The following MGAT5B variants were observed in gnomAD, a reference collection of about 807,000 sequenced individuals.
MGAT5B encodes alpha-1,6-mannosylglycoprotein 6-beta-N-acetylglucosaminyltransferase B.
A neutral mutation model predicts 95.1 loss-of-function variants in MGAT5B; 54 were observed. The observed-to-expected ratio is 0.57, with a 90% CI of 0.46 to 0.71. The LOEUF (loss-of-function observed/expected upper bound fraction) is 0.71, where lower values mean the gene tolerates loss of function less well. Among genes scored for constraint, MGAT5B ranks in the 30% least tolerant of loss-of-function variants. MGAT5B has a pLI of 0.00. For missense variants in MGAT5B, 935 were observed against 1,088.6 expected, an observed-to-expected ratio of 0.86 and a Z score of 1.99; for synonymous variants, 464 against 451.0, an observed-to-expected ratio of 1.03 and a Z score of -0.36.
intron 12 of MGAT5B, 60 bp from the exon 13 acceptor site, chr17:76,937,928 C>G (rs1442979874): frequency 1.3e-6 from 2 of 1,592,698 alleles, no homozygotes; most frequent in Non-Finnish European, 1.7e-6. Flanking sequence ...GGATCTCCTC[C>G]ATGGACTTTG....
chr17:76,944,906 C>T (rs1969148735), intron 15 of MGAT5B, among the ~76,000 whole-genome samples: 1 of 152,240 alleles, frequency 6.6e-6, no homozygotes, highest in South Asian at 2.1e-4. Flanking sequence ...TTGAGTCAAA[C>T]AGTTAGATTT....
rs1451434709 is a variant in MGAT5B, at chr17:76,914,693, C to A, written c.1025+8506C>A. On this transcript the variant is annotated intron_variant, in intron 8 of 17. Coordinates refer to ENST00000569840, the MANE Select transcript of MGAT5B (RefSeq NM_001199172.2). This position sits in a 1 kb window ranked among gnomAD's most constrained non-coding sequence, Gnocchi z 5.1. ...CTTGCCCTGTCCCCCAGCTGGAGCG[C>A]AGTGGCGCAGTCTCGGCTCACTGCA... Among the ~76,000 whole-genome samples, 1 of 151,776 alleles carries A rather than the reference C, an allele frequency of 6.6e-6. No homozygotes were observed. The highest frequency in any genetic ancestry group is 1.5e-5 in the Non-Finnish European group (1 of 68,004).
At position 76,912,568 on chromosome 17, in the gene MGAT5B, C is replaced by T. The variant is rs1968780058; in HGVS notation, c.1025+6381C>T. On this transcript the variant is annotated intron_variant, in intron 8 of 17. Coordinates refer to ENST00000569840, the MANE Select transcript of MGAT5B (RefSeq NM_001199172.2). This position sits in a 1 kb window ranked among gnomAD's most constrained non-coding sequence, Gnocchi z 5.0. ...ATTCGCAGATGTTCACGGCAGATGTCCTGGCCACTGATGGAGCAACAAGGC... is the reference window on the plus strand; with the variant it reads ...ATTCGCAGATGTTCACGGCAGATGTTCTGGCCACTGATGGAGCAACAAGGC... Among the ~76,000 whole-genome samples the T allele has an allele frequency of 6.6e-6, 1 of 151,968 alleles. No individual in the cohort carries two copies. Among genetic ancestry groups the T allele is most frequent in the Non-Finnish European group, 1.5e-5 (1 of 68,000 alleles).
chr17:76,944,361 C>T (rs978679015), intron 15 of MGAT5B: 2 of 152,166 alleles, frequency 1.3e-5, no homozygotes, highest in African/African-American at 4.8e-5. Context: ...GTCACGGAGC[C>T]GGGGAGCGGC....
At chr17:76,887,533 T>C (rs2588505) in intron 3 of MGAT5B, among the ~76,000 whole-genome samples, 319 of 41,780 alleles carry the variant, frequency 7.6e-3, no homozygotes, top group African/African-American at 0.06. Context: ...CTCCCTCCCT[T>C]CCTTCCTTCC....
intron 4 of MGAT5B, 64 bp from the exon 5 acceptor site, chr17:76,903,239 C>G: frequency 1.5e-6 from 2 of 1,349,828 alleles, no homozygotes; most frequent in Non-Finnish European, 2.1e-6. Flanking sequence ...CTCCCGCACG[C>G]AGGCCTCCCT....
intron 3 of MGAT5B, among the ~76,000 whole-genome samples, chr17:76,894,373 C>T (rs764777045): frequency 6.6e-6 from 1 of 152,132 alleles, no homozygotes; most frequent in South Asian, 2.1e-4. Context: ...TTAAGAGGGA[C>T]CAGGATGTTG....
chr17:76,919,034 G>A (rs1335989391), intron 8 of MGAT5B, among the ~76,000 whole-genome samples: 3 of 152,214 alleles, frequency 2.0e-5, no homozygotes, highest in East Asian at 1.9e-4. Context: ...GCCTGAGCAC[G>A]TGTCCCACAT....
intron 8 of MGAT5B, among the ~76,000 whole-genome samples, chr17:76,923,503 A>T (rs1361948237): frequency 6.6e-6 from 1 of 152,068 alleles, no homozygotes. Context: ...CAGCCCCATG[A>T]GGTGATGCAC....
At chr17:76,947,047 A>G (rs1970052742) in intron 16 of MGAT5B, among the ~76,000 whole-genome samples, 1 of 152,170 alleles carries the variant, frequency 6.6e-6, no homozygotes. Flanking sequence ...CTGGCCCTCC[A>G]CTGCATCCTG....
Position 76,906,279 on chromosome 17 carries a change from C to A in MGAT5B, c.1025+92C>A. ...TCCCTCCCAGGGGCTGTGGGAGCAC[C>A]TGCTCTGCCTGCAGGTCCCACGGCC... On this transcript the variant is annotated intron_variant, in intron 8 of 17. Coordinates refer to ENST00000569840, the MANE Select transcript of MGAT5B (RefSeq NM_001199172.2). The surrounding 1 kb of genome is among the most constrained non-coding windows in gnomAD (Gnocchi z 4.6). 1 of 1,284,034 alleles carries A rather than the reference C, an allele frequency of 7.8e-7. No individual in the cohort carries two copies. The highest frequency in any genetic ancestry group is 1.1e-6 in the Non-Finnish European group (1 of 951,144). The allele number at this position is 1,284,034 out of a possible 1,614,324, so 79.5% of individuals were successfully genotyped here.
At chr17:76,894,481 G>A (rs1239050146) in intron 3 of MGAT5B, among the ~76,000 whole-genome samples, 1 of 152,228 alleles carries the variant, frequency 6.6e-6, no homozygotes, top group Non-Finnish European at 1.5e-5. Flanking sequence ...TAGTGGCATG[G>A]TTTTCTCGTG....
chr17:76,898,332 A>T (rs66659308), intron 3 of MGAT5B, among the ~76,000 whole-genome samples: 11,266 of 64,920 alleles, frequency 0.17, 1,464 homozygotes, highest in African/African-American at 0.49. Context: ...TAATCTTTTT[A>T]TTTTTTTTTT....
chr17:76,885,947 G>A (rs1231129791), intron 3 of MGAT5B, among the ~76,000 whole-genome samples: 1 of 105,524 alleles, frequency 9.5e-6, no homozygotes, highest in African/African-American at 9.3e-5. Flanking sequence ...AATTTCCTGT[G>A]GCTTAAAAAA....
At chr17:76,927,470 G>A (rs1344527867) in intron 10 of MGAT5B, among the ~76,000 whole-genome samples, 1 of 152,106 alleles carries the variant, frequency 6.6e-6, no homozygotes, top group African/African-American at 2.4e-5. Flanking sequence ...GAATTCCTGG[G>A]CTCAAGCGAT....
chr17:76,925,563 T>A (rs1969287399), intron 9 of MGAT5B, among the ~76,000 whole-genome samples: 1 of 151,850 alleles, frequency 6.6e-6, no homozygotes, highest in South Asian at 2.1e-4. Flanking sequence ...GCCAGTGGGA[T>A]GTGGGGCTTA....
At position 76,897,660 on chromosome 17, in the gene MGAT5B, ACTTTCTTTCTTTCTTTCTTTCTTTCTTT is replaced by A. The variant is rs772516557; in HGVS notation, c.330-4854_330-4827del. ...AAAGACCCTATTCCCAAGTAAGGCC[ACTTTCTTTCTTTCTTTCTTTCTTTCTTT>A]CTTTCTTTCTTTCTTTCTTTCTTTC... On this transcript the variant is annotated intron_variant, in intron 3 of 17. Coordinates refer to ENST00000569840, the MANE Select transcript of MGAT5B (RefSeq NM_001199172.2). Among the ~76,000 whole-genome samples, 81 of 69,432 alleles carry A rather than the reference ACTTTCTTTCTTTCTTTCTTTCTTTCTTT, an allele frequency of 1.2e-3. 2 individuals carry two copies. The highest frequency in any genetic ancestry group is 7.1e-3 in the South Asian group (14 of 1,972). The allele number at this position is 69,432 out of a possible 152,430, so 45.6% of individuals were successfully genotyped here. A position where few individuals can be genotyped will look rare whatever the true frequency, so the allele number is the denominator to read the frequency against.
At chr17:76,896,707 C>CCTCTGACTTCCAGGGTTTCA (rs1968075095) in intron 3 of MGAT5B, among the ~76,000 whole-genome samples, 1 of 152,154 alleles carries the variant, frequency 6.6e-6, no homozygotes, top group Non-Finnish European at 1.5e-5. Context: ...GAACCCAGGA[C>CCTCTGACTTCCAGGGTTTCA]CTCTGACTTC....
intron 3 of MGAT5B, among the ~76,000 whole-genome samples, chr17:76,884,993 CT>C (rs1416046235): frequency 6.6e-6 from 1 of 151,618 alleles, no homozygotes; most frequent in Non-Finnish European, 1.5e-5. Context: ...CCATCTCGGC[CT>C]CCCAAAGTGC....
Sources: gnomAD v4.1 joint callset for allele counts (sites outside exome capture counted in the v4.1 genomes callset) on GRCh38, gnomAD v4.1.1 for gene constraint, Gnocchi (gnomAD v3.1) non-coding constraint, MANE v1.5 for transcripts, NCBI Gene and HGNC (gene_info 2026-07-23, HGNC 2026-07-21) for gene names.